Variants in TRIM62 observed in about 807,000 individuals in gnomAD.
TRIM62 encodes the protein tripartite motif containing 62.
A neutral mutation model predicts 44.2 loss-of-function variants in TRIM62; 39 were observed. That is an observed-to-expected ratio of 0.88 (90% CI 0.68 to 1.15). TRIM62 has a LOEUF of 1.15. Among genes scored for constraint, TRIM62 ranks in the 50% most tolerant of loss-of-function variants. The pLI is 0.00. For synonymous variants in TRIM62, 278 were observed against 292.3 expected (o/e 0.95, Z 0.50); for missense variants, 544 against 665.5 (o/e 0.82, Z 2.01).
chr1:33,154,889 C>G (rs1447553458), intron 4 of TRIM62, among the ~76,000 whole-genome samples: 2 of 151,670 alleles, frequency 1.3e-5, no homozygotes, highest in African/African-American at 4.8e-5. Flanking sequence ...GTCAGGAGAT[C>G]GAGACCATCC....
In TRIM62 at chr1:33,177,071, A is replaced by ACACACACATG. The variant is rs1553172214; in HGVS notation, c.408+3944_408+3953dup. Among the ~76,000 whole-genome samples the ACACACACATG allele has an allele frequency of 1.8e-4, 2 of 11,114 alleles. No homozygotes were observed. Among genetic ancestry groups the ACACACACATG allele is most frequent in the African/African-American group, 5.9e-4 (2 of 3,412 alleles). 7.3% of individuals were successfully genotyped at this position (11,114 alleles called of 152,430 possible). On this transcript the variant is annotated intron_variant, in intron 1 of 4. Coordinates refer to ENST00000291416, the MANE Select transcript of TRIM62 (RefSeq NM_018207.3). This position sits in a 1 kb window ranked among gnomAD's most constrained non-coding sequence, Gnocchi z 4.1. Reference sequence around the variant, plus strand: ...CACACGCACACACACACACATGCACACACACACATGCATGCACAAATGCAC... The same window carrying ACACACACATG: ...CACACGCACACACACACACATGCACACACACACATGCACACACATGCATGCACAAATGCAC...
In TRIM62 at chr1:33,147,053, G is replaced by T; in HGVS notation, c.*124C>A. 1 of 996,454 alleles carries T rather than the reference G, an allele frequency of 1.0e-6. No homozygotes were observed. Among genetic ancestry groups the T allele is most frequent in the Non-Finnish European group, 1.5e-6 (1 of 671,250 alleles). The allele number at this position is 996,454 out of a possible 1,614,324, so 61.7% of individuals were successfully genotyped here. A position where few individuals can be genotyped will look rare whatever the true frequency, so the allele number is the denominator to read the frequency against. ...CCATTTTACAGACTGGAGGCTGGAG[G>T]GTAAACAACTGGCCTGAGGTCTCCA... is the stretch of plus-strand genomic sequence containing the variant. On this transcript the variant is annotated 3_prime_UTR_variant, in exon 5 of 5. Transcript: ENST00000291416. The surrounding 1 kb of genome is among the most constrained non-coding windows in gnomAD (Gnocchi z 8.1).
At chr1:33,153,182 T>A (rs1287480737) in intron 4 of TRIM62, among the ~76,000 whole-genome samples, 1 of 152,114 alleles carries the variant, frequency 6.6e-6, no homozygotes, top group East Asian at 1.9e-4. Flanking sequence ...GCTAGGTCCC[T>A]GGGGGCACCC....
chr1:33,179,064 A>G (rs1570341037), intron 1 of TRIM62, among the ~76,000 whole-genome samples: 1 of 152,370 alleles, frequency 6.6e-6, no homozygotes, highest in East Asian at 1.9e-4. Context: ...GGCAAGTCAC[A>G]TAACTTCTCC....
At position 33,146,338 on chromosome 1, in the gene TRIM62, C is replaced by T. The variant is rs1645021380; in HGVS notation, c.*839G>A. 1 of 170,112 alleles carries T rather than the reference C, an allele frequency of 5.9e-6. No individual in the cohort carries two copies. Among genetic ancestry groups the T allele is most frequent in the Non-Finnish European group, 1.3e-5 (1 of 78,478 alleles). The allele number at this position is 170,112 out of a possible 1,614,324, so 10.5% of individuals were successfully genotyped here. On this transcript the variant is annotated 3_prime_UTR_variant, in exon 5 of 5. Transcript: ENST00000291416. ...TGGGTCCTAATTACAACAACTGCTT[C>T]TGGAAGCCTCCTGCACCCTAGCAGG...
rs1397011032 is a variant in TRIM62 at position 33,147,438 on chromosome 1, G to C, written c.1167C>G (p.Ile389Met). The change falls in exon 5 of 5, where the codon ATC (isoleucine) becomes ATG (methionine). Residue 389 changes from isoleucine to methionine, a missense_variant. By Grantham distance (10) the Ile-to-Met change is conservative. Transcript: ENST00000291416. The surrounding 1 kb of genome is among the most constrained non-coding windows in gnomAD (Gnocchi z 8.1). ...TGTACTGGTTGCCATCGTGCATCACGATGCAGTAGAAGCCGCGGCTGGGCT... is the reference window on the plus strand; with the variant it reads ...TGTACTGGTTGCCATCGTGCATCACCATGCAGTAGAAGCCGCGGCTGGGCT... ...QIQPSRGFYC[I>M]VMHDGNQYSA... 1 of 1,613,912 alleles carries C rather than the reference G, an allele frequency of 6.2e-7. No individual in the cohort carries two copies. Among genetic ancestry groups the C allele is most frequent in the Non-Finnish European group, 8.5e-7 (1 of 1,180,026 alleles).
chr1:33,174,945 G>GTGTATATATATATATATA (rs1172648170), intron 1 of TRIM62, among the ~76,000 whole-genome samples: 5 of 141,742 alleles, frequency 3.5e-5, no homozygotes, highest in African/African-American at 1.4e-4. Flanking sequence ...ATATATGTGT[G>GTGTATATATATATATATA]TATATATATA....
At chr1:33,175,789 A>G (rs1006089009) in intron 1 of TRIM62, among the ~76,000 whole-genome samples, 4 of 152,206 alleles carry the variant, frequency 2.6e-5, no homozygotes, top group Non-Finnish European at 5.9e-5. Context: ...TCAAATGCCT[A>G]TAACACAGCA....
chr1:33,180,498 C>T lies in TRIM62; in HGVS notation c.408+527G>A, dbSNP rs140774969. Among the ~76,000 whole-genome samples the T allele has an allele frequency of 5.0e-3, 759 of 152,270 alleles. 11 individuals carry two copies. Among genetic ancestry groups the T allele is most frequent in the African/African-American group, 0.017 (712 of 41,538 alleles). ...AGGTTTCACCCTCACCTGTCCAGCACATTCTAGCCCCCGTACTCCTCTTAG... is the reference window on the plus strand; with the variant it reads ...AGGTTTCACCCTCACCTGTCCAGCATATTCTAGCCCCCGTACTCCTCTTAG... On this transcript the variant is annotated intron_variant, in intron 1 of 4. Coordinates refer to ENST00000291416, the MANE Select transcript of TRIM62 (RefSeq NM_018207.3).
intron 4 of TRIM62, among the ~76,000 whole-genome samples, chr1:33,157,765 CT>C (rs1193193837): frequency 6.6e-6 from 1 of 150,792 alleles, no homozygotes; most frequent in Non-Finnish European, 1.5e-5. Context: ...TTTTTTCTTC[CT>C]TTTTTTCCGA....
Position 33,147,833 on chromosome 1 carries a change from C to T in TRIM62, c.878-106G>A, listed in dbSNP as rs564936494. ...GTTCTGGTTGGTACGCAGGAGGCCT[C>T]TGACCTGCTGTGTGACCTTGAATAC... On this transcript the variant is annotated intron_variant, in intron 4 of 4. Coordinates refer to ENST00000291416, the MANE Select transcript of TRIM62 (RefSeq NM_018207.3). This position sits in a 1 kb window ranked among gnomAD's most constrained non-coding sequence, Gnocchi z 8.1. 6 of 1,270,060 alleles carry T rather than the reference C, an allele frequency of 4.7e-6. No individual in the cohort carries two copies. The Admixed American group carries it at 9.7e-5, about 21-fold the overall frequency. 78.7% of individuals were successfully genotyped at this position (1,270,060 alleles called of 1,614,324 possible).
chr1:33,146,063 C>T lies in TRIM62; in HGVS notation c.*1114G>A, dbSNP rs1473343759. ...AGTCAGCAGCTTTCTGGCATAGTGGCTTCCTGCAGATGGGGGCAGCTTTCC... is the reference window on the plus strand; with the variant it reads ...AGTCAGCAGCTTTCTGGCATAGTGGTTTCCTGCAGATGGGGGCAGCTTTCC... On this transcript the variant is annotated 3_prime_UTR_variant, in exon 5 of 5. Coordinates refer to ENST00000291416, the MANE Select transcript of TRIM62 (RefSeq NM_018207.3). The T allele has an allele frequency of 2.8e-6, 1 of 358,366 alleles. No homozygotes were observed. The highest frequency in any genetic ancestry group is 2.2e-5 in the African/African-American group (1 of 46,504). 22.2% of individuals were successfully genotyped at this position (358,366 alleles called of 1,614,324 possible).
chr1:33,160,954 C>T (rs1288771360), intron 2 of TRIM62, among the ~76,000 whole-genome samples: 1 of 152,182 alleles, frequency 6.6e-6, no homozygotes, highest in Non-Finnish European at 1.5e-5. Context: ...CTGTGAGGCT[C>T]AGGAAGGGTG....
At position 33,145,460 on chromosome 1, in the gene TRIM62, T is replaced by C. The variant is rs572488342; in HGVS notation, c.*1717A>G. The C allele has an allele frequency of 6.0e-6, 1 of 166,826 alleles. No homozygotes were observed. Among genetic ancestry groups the C allele is most frequent in the African/African-American group, 2.4e-5 (1 of 41,818 alleles). 10.3% of individuals were successfully genotyped at this position (166,826 alleles called of 1,614,324 possible). ...TCATAACTCATAAAATGGGCAACATTTTAAATAAAAATACTGCTGGGGTGG... is the reference window on the plus strand; with the variant it reads ...TCATAACTCATAAAATGGGCAACATCTTAAATAAAAATACTGCTGGGGTGG... On this transcript the variant is annotated 3_prime_UTR_variant, in exon 5 of 5. Transcript: ENST00000291416.
At position 33,147,581 on chromosome 1, in the gene TRIM62, C is replaced by T. The variant is rs902705052; in HGVS notation, c.1024G>A (p.Gly342Ser). 6 of 1,614,002 alleles carry T rather than the reference C, an allele frequency of 3.7e-6. No individual in the cohort carries two copies. Among genetic ancestry groups the T allele is most frequent in the Non-Finnish European group, 5.1e-6 (6 of 1,180,052 alleles). The part of the protein sequence containing the change: ...KRFDVEVSVL[G>S]SEAFSSGVHY... The stretch of plus-strand genomic sequence containing the variant: ...ACGCCACTACTGAAGGCTTCAGAAC[C>T]CAGCACCGACACCTCCACATCGAAG... The change falls in exon 5 of 5, where the codon GGT (glycine) becomes AGT (serine). Residue 342 changes from glycine (G) to serine (S), a missense_variant. Coordinates refer to ENST00000291416, the MANE Select transcript of TRIM62 (RefSeq NM_018207.3). The surrounding 1 kb of genome is among the most constrained non-coding windows in gnomAD (Gnocchi z 8.1).
chr1:33,155,724 T>G (rs923921294), intron 4 of TRIM62, among the ~76,000 whole-genome samples: 2 of 152,218 alleles, frequency 1.3e-5, no homozygotes, highest in Admixed American at 1.3e-4. Flanking sequence ...GAGAATTCAC[T>G]TCTCTATCCA....
At chr1:33,157,116 C>T (rs1365178286) in intron 4 of TRIM62, among the ~76,000 whole-genome samples, 3 of 152,094 alleles carry the variant, frequency 2.0e-5, no homozygotes, top group Non-Finnish European at 4.4e-5. Context: ...GCTCCAAGCC[C>T]TCCACTGGCT....
rs1176218042 is a variant in TRIM62, at chr1:33,161,533, C to T, written c.505-1589G>A. 6.6e-6 allele frequency among the ~76,000 whole-genome samples: 1 copy of T among 152,168 alleles called. No homozygotes were observed. Among genetic ancestry groups the T allele is most frequent in the Non-Finnish European group, 1.5e-5 (1 of 68,024 alleles). ...CGCGGCTGCTGGCCTGCAGGAAGAA[C>T]TGCTGGCGGTGGGCCAGCCTCGCTG... On this transcript the variant is annotated intron_variant, in intron 2 of 4. Coordinates refer to ENST00000291416, the MANE Select transcript of TRIM62 (RefSeq NM_018207.3). The surrounding 1 kb of genome is among the most constrained non-coding windows in gnomAD (Gnocchi z 4.3).
intron 3 of TRIM62, among the ~76,000 whole-genome samples, chr1:33,158,871 G>A (rs753469645): frequency 9.3e-5 from 14 of 150,100 alleles, no homozygotes; most frequent in Non-Finnish European, 1.5e-4. Context: ...ACAGAGTTTC[G>A]CTCTTATTGC....
Sources: allele counts gnomAD v4.1 joint callset (sites outside exome capture counted in the v4.1 genomes callset), GRCh38; gene constraint gnomAD v4.1.1; non-coding constraint Gnocchi (gnomAD v3.1); transcripts MANE v1.5; gene names NCBI Gene and HGNC (gene_info 2026-07-23, HGNC 2026-07-21).